LUZP2: variants seen among roughly 807,000 people sequenced by gnomAD.
The protein encoded by LUZP2 is leucine zipper protein 2.
Under a neutral mutation model 51.6 loss-of-function variants are expected in LUZP2, and 52 were observed. The observed-to-expected ratio is 1.01, with a 90% CI of 0.81 to 1.27. The LOEUF is 1.27. Ranked by LOEUF, LUZP2 falls within the 50% of genes most tolerant of loss-of-function variation. The pLI, the probability that LUZP2 is intolerant of heterozygous loss-of-function variation, is 0.00. For synonymous variants in LUZP2, 154 were observed against 137.3 expected (o/e 1.12, Z -0.85); for missense variants, 436 against 395.4 (o/e 1.10, Z -0.87).
At chr11:24,933,172 CTG>C (rs1375258347) in intron 7 of LUZP2, among the ~76,000 whole-genome samples, 1 of 152,198 alleles carries the variant, frequency 6.6e-6, no homozygotes, top group Non-Finnish European at 1.5e-5. Flanking sequence ...AGTTTTTTGA[CTG>C]TCTCTTGGAG....
At chr11:24,922,837 C>CTTTTT (rs749672583) in intron 7 of LUZP2, among the ~76,000 whole-genome samples, 16 of 47,364 alleles carry the variant, frequency 3.4e-4, no homozygotes, top group South Asian at 1.3e-3. Flanking sequence ...TTTTTTTTTT[C>CTTTTT]TTTTTTTTTT....
intron 1 of LUZP2, among the ~76,000 whole-genome samples, chr11:24,621,868 C>G (rs34897664): frequency 0.18 from 27,746 of 151,820 alleles, 2,847 homozygotes; most frequent in African/African-American, 0.27. Flanking sequence ...GCCTTGTAGT[C>G]TCCTTTTCTT....
At chr11:24,703,589 G>A (rs572571695) in intron 1 of LUZP2, among the ~76,000 whole-genome samples, 12 of 152,096 alleles carry the variant, frequency 7.9e-5, no homozygotes, top group Admixed American at 1.3e-4. Context: ...TTGGGAGGCC[G>A]AGGCAGGTGG....
intron 5 of LUZP2, among the ~76,000 whole-genome samples, chr11:24,774,954 C>T (rs1366081848): frequency 6.6e-6 from 1 of 150,586 alleles, no homozygotes; most frequent in Non-Finnish European, 1.5e-5. Flanking sequence ...GGATCCCTTG[C>T]CTGCTCATTT....
chr11:24,749,730 C>G (rs1859507684), intron 4 of LUZP2, among the ~76,000 whole-genome samples: 1 of 152,164 alleles, frequency 6.6e-6, no homozygotes, highest in African/African-American at 2.4e-5. Context: ...ATGCCTCCTC[C>G]CATTTCTCCT....
intron 1 of LUZP2, among the ~76,000 whole-genome samples, chr11:24,562,716 C>T (rs1852086482): frequency 7.8e-6 from 1 of 128,378 alleles, no homozygotes; most frequent in Non-Finnish European, 1.7e-5. Flanking sequence ...AAAAAAATTA[C>T]CTGGGCGTGG....
chr11:24,505,456 A>T (rs1850119641), intron 1 of LUZP2, among the ~76,000 whole-genome samples: 1 of 152,190 alleles, frequency 6.6e-6, no homozygotes, highest in Non-Finnish European at 1.5e-5. Flanking sequence ...TCTCTCATAG[A>T]TATGTCAAGA....
At chr11:24,729,988 T>C (rs1220481834) in intron 2 of LUZP2, among the ~76,000 whole-genome samples, 1 of 151,846 alleles carries the variant, frequency 6.6e-6, no homozygotes, top group Non-Finnish European at 1.5e-5. Context: ...AGAGTTTACA[T>C]GTAGACAATC....
intron 4 of LUZP2, among the ~76,000 whole-genome samples, chr11:24,757,509 T>C (rs1177163861): frequency 1.3e-5 from 2 of 152,008 alleles, no homozygotes; most frequent in African/African-American, 2.4e-5. Context: ...TTTAAATACA[T>C]TTTCAGTTAA....
intron 5 of LUZP2, among the ~76,000 whole-genome samples, chr11:24,820,968 T>C (rs569489095): frequency 1.3e-5 from 2 of 152,300 alleles, no homozygotes; most frequent in South Asian, 2.1e-4. Flanking sequence ...GTCAGAATCA[T>C]GTTTCACATT....
In LUZP2 at chr11:24,915,583, T is replaced by C. The variant is rs914581748; in HGVS notation, c.522+1045T>C. 3.3e-5 allele frequency among the ~76,000 whole-genome samples: 5 copies of C among 152,196 alleles called. No homozygotes were observed. In the East Asian group the frequency reaches 7.7e-4, roughly 24 times the overall value. Reference sequence around the variant, plus strand: ...ATTCTATTGTGAAAGACTGTTTCTTTTACAGATAAGTAATAGAAAGGGAGT... The same window carrying C: ...ATTCTATTGTGAAAGACTGTTTCTTCTACAGATAAGTAATAGAAAGGGAGT... On this transcript the variant is annotated intron_variant, in intron 7 of 11. Coordinates refer to ENST00000336930, the MANE Select transcript of LUZP2 (RefSeq NM_001009909.4).
At position 24,545,128 on chromosome 11, in the gene LUZP2, T is replaced by G. The variant is rs144722008; in HGVS notation, c.62+47823T>G. 4.4e-4 allele frequency among the ~76,000 whole-genome samples: 67 copies of G among 151,754 alleles called. 1 individual carries two copies. The East Asian group carries it at 0.012, about 27-fold the overall frequency. On this transcript the variant is annotated intron_variant, in intron 1 of 11. Transcript: ENST00000336930. ...CATGTCCTTTGCCCACTCTTTAATT[T>G]TTTTTTTCTTGCTGATTTCAGTTCT...
At chr11:24,572,110 G>A (rs1312842602) in intron 1 of LUZP2, among the ~76,000 whole-genome samples, 1 of 151,934 alleles carries the variant, frequency 6.6e-6, no homozygotes, top group East Asian at 1.9e-4. Flanking sequence ...TGGGACGGAA[G>A]CCCAATAAAT....
Position 25,079,726 on chromosome 11 carries a change from G to A in LUZP2, c.*1068G>A, listed in dbSNP as rs1487474584. The A allele has an allele frequency of 2.0e-5, 3 of 152,124 alleles. No individual in the cohort carries two copies. The highest frequency in any genetic ancestry group is 1.9e-4 in the East Asian group (1 of 5,198). The allele number at this position is 152,124 out of a possible 1,614,324, so 9.4% of individuals were successfully genotyped here. A position where few individuals can be genotyped will look rare whatever the true frequency, so the allele number is the denominator to read the frequency against. On this transcript the variant is annotated 3_prime_UTR_variant, in exon 12 of 12. Transcript: ENST00000336930. ...TTATCTGATTAATAGGTTTCATAGG[G>A]CATTCAAAGTTGCAGACTCAGTTAA...
chr11:24,987,518 C>A (rs1422652056), intron 9 of LUZP2, among the ~76,000 whole-genome samples: 1 of 151,872 alleles, frequency 6.6e-6, no homozygotes, highest in African/African-American at 2.4e-5. Context: ...ATTACTGTTT[C>A]TTTTCTTTTT....
intron 10 of LUZP2, among the ~76,000 whole-genome samples, chr11:25,057,328 A>G (rs1404121304): frequency 1.3e-5 from 2 of 152,108 alleles, no homozygotes; most frequent in Admixed American, 6.6e-5. Context: ...TATGTAAACC[A>G]GGCAGGGTCA....
At chr11:25,035,052 C>T (rs183259421) in intron 9 of LUZP2, among the ~76,000 whole-genome samples, 5 of 152,062 alleles carry the variant, frequency 3.3e-5, no homozygotes, top group Admixed American at 2.6e-4. Context: ...TAATAAGAGC[C>T]ATCCTTGACA....
intron 5 of LUZP2, among the ~76,000 whole-genome samples, chr11:24,793,137 T>C (rs889759333): frequency 6.6e-6 from 1 of 152,156 alleles, no homozygotes; most frequent in African/African-American, 2.4e-5. Flanking sequence ...ATTCATCTAA[T>C]TTCCATGCTG....
chr11:24,772,047 T>C (rs11028157), intron 5 of LUZP2, among the ~76,000 whole-genome samples: 12,174 of 152,178 alleles, frequency 0.08, 1,046 homozygotes, highest in African/African-American at 0.22. Context: ...TTCATAGGAA[T>C]GCTTAAAGAC....
Sources: gnomAD v4.1 joint callset for allele counts (sites outside exome capture counted in the v4.1 genomes callset) on GRCh38, gnomAD v4.1.1 for gene constraint, MANE v1.5 for transcripts, NCBI Gene and HGNC (gene_info 2026-07-23, HGNC 2026-07-21) for gene names.